Variants in OPCML observed in about 807,000 individuals in gnomAD.
The protein encoded by OPCML is opioid-binding protein/cell adhesion molecule.
In OPCML, 13 loss-of-function variants were observed where a neutral mutation model predicts 37.8. The observed-to-expected ratio is 0.34, with a 90% CI of 0.22 to 0.55. The LOEUF is 0.55. Among genes scored for constraint, OPCML ranks in the 20% least tolerant of loss-of-function variants. OPCML has a pLI of 0.91. For synonymous variants in OPCML, 176 were observed against 168.8 expected, an observed-to-expected ratio of 1.04 and a Z score of -0.33; for missense variants, 341 against 435.6, an observed-to-expected ratio of 0.78 and a Z score of 1.93.
At chr11:132,758,698 G>C (rs538139415) in intron 2 of OPCML, among the ~76,000 whole-genome samples, 1 of 152,114 alleles carries the variant, frequency 6.6e-6, no homozygotes, top group Non-Finnish European at 1.5e-5. Flanking sequence ...AGGAGTTTTT[G>C]GGCTTAAACA....
In OPCML at chr11:132,879,431, T is replaced by C. The variant is rs182827563; in HGVS notation, c.146+63495A>G. 3.3e-3 allele frequency among the ~76,000 whole-genome samples: 498 copies of C among 152,286 alleles called. 4 individuals carry two copies. The highest frequency in any genetic ancestry group is 0.011 in the African/African-American group (440 of 41,574). On this transcript the variant is annotated intron_variant, in intron 2 of 7. Coordinates refer to ENST00000524381, the MANE Select transcript of OPCML (RefSeq NM_001012393.5). ...AAAGAGTTATGAAAGTTTCTGTGTG[T>C]TTCAAAAATAAGATGAGGTGTTATT... is the stretch of plus-strand genomic sequence containing the variant.
intron 2 of OPCML, among the ~76,000 whole-genome samples, chr11:132,903,632 TA>T (rs1454429877): frequency 3.3e-5 from 5 of 151,892 alleles, no homozygotes; most frequent in African/African-American, 4.8e-5. Context: ...CTTATCTCTA[TA>T]AAAATAAGTA....
At chr11:133,227,234 A>C (rs1224747511) in intron 1 of OPCML, among the ~76,000 whole-genome samples, 1 of 151,922 alleles carries the variant, frequency 6.6e-6, no homozygotes, top group Non-Finnish European at 1.5e-5. Flanking sequence ...CCCCAGCCGC[A>C]CCCTGCACCG....
intron 3 of OPCML, among the ~76,000 whole-genome samples, chr11:132,656,739 G>C (rs1011000228): frequency 1.3e-5 from 2 of 152,172 alleles, no homozygotes; most frequent in Non-Finnish European, 1.5e-5. Context: ...GCCTATAAGA[G>C]AATTAAAAGG....
chr11:133,204,510 T>A (rs1200041100), intron 1 of OPCML, among the ~76,000 whole-genome samples: 1 of 152,154 alleles, frequency 6.6e-6, no homozygotes, highest in Non-Finnish European at 1.5e-5. Context: ...CAGGTCCCTG[T>A]GGCCTAACTT....
intron 1 of OPCML, among the ~76,000 whole-genome samples, chr11:133,036,588 A>G (rs1463753658): frequency 1.3e-5 from 2 of 152,238 alleles, no homozygotes; most frequent in Admixed American, 6.5e-5. Flanking sequence ...GCCCTGTTGT[A>G]TTATACAATG....
chr11:133,252,899 G>T (rs1015735199), intron 1 of OPCML, among the ~76,000 whole-genome samples: 2 of 152,140 alleles, frequency 1.3e-5, no homozygotes, highest in African/African-American at 4.8e-5. Flanking sequence ...TGTAATCCCA[G>T]CACTTTGGGA....
intron 2 of OPCML, among the ~76,000 whole-genome samples, chr11:132,836,274 T>A (rs186456004): frequency 1.3e-5 from 2 of 152,230 alleles, no homozygotes; most frequent in African/African-American, 4.8e-5. Context: ...CTGAACAGAA[T>A]CTCATCAGTG....
chr11:133,395,792 T>C (rs1174030947), intron 1 of OPCML, among the ~76,000 whole-genome samples: 2 of 152,228 alleles, frequency 1.3e-5, no homozygotes, highest in African/African-American at 2.4e-5. Flanking sequence ...TATAGCTCTG[T>C]AGTACAATTT....
intron 2 of OPCML, among the ~76,000 whole-genome samples, chr11:132,867,494 T>C (rs1438008819): frequency 6.6e-6 from 1 of 152,202 alleles, no homozygotes; most frequent in Non-Finnish European, 1.5e-5. Flanking sequence ...GATATAAAGT[T>C]AAGCCCTCTG....
At chr11:132,757,955 C>T (rs191160988) in intron 2 of OPCML, among the ~76,000 whole-genome samples, 140 of 152,166 alleles carry the variant, frequency 9.2e-4, no homozygotes, top group Non-Finnish European at 1.6e-3. Flanking sequence ...GTCTTTAATT[C>T]GTCTTGAGTT....
chr11:133,222,459 G>A (rs1008228143), intron 1 of OPCML, among the ~76,000 whole-genome samples: 2 of 152,136 alleles, frequency 1.3e-5, no homozygotes, highest in Admixed American at 6.5e-5. Flanking sequence ...TCCTGTGGCC[G>A]CTCCTCACTG....
chr11:133,289,958 C>T (rs1018480786), intron 1 of OPCML, among the ~76,000 whole-genome samples: 4 of 152,142 alleles, frequency 2.6e-5, no homozygotes, highest in Non-Finnish European at 5.9e-5. Flanking sequence ...ACTGTGGAGG[C>T]AACTGAGGAA....
chr11:132,581,061 G>C (rs1315948877), intron 3 of OPCML, among the ~76,000 whole-genome samples: 1 of 152,104 alleles, frequency 6.6e-6, no homozygotes, highest in Non-Finnish European at 1.5e-5. Context: ...AGCATTTTCA[G>C]TCTTTAAAAG....
At chr11:133,381,923 C>G (rs1291853623) in intron 1 of OPCML, among the ~76,000 whole-genome samples, 1 of 152,206 alleles carries the variant, frequency 6.6e-6, no homozygotes, top group Non-Finnish European at 1.5e-5. Flanking sequence ...CTGCTCCTGT[C>G]CCTCTGAGGC....
At chr11:133,126,767 C>T (rs115390319) in intron 1 of OPCML, among the ~76,000 whole-genome samples, 120 of 152,268 alleles carry the variant, frequency 7.9e-4, no homozygotes, top group African/African-American at 2.7e-3. Context: ...TACCCAGCTA[C>T]ACAAAGATAC....
At chr11:133,240,212 CAAAA>C (rs35643678) in intron 1 of OPCML, among the ~76,000 whole-genome samples, 4 of 66,042 alleles carry the variant, frequency 6.1e-5, no homozygotes, top group African/African-American at 5.8e-5. Context: ...ACACTTGGGG[CAAAA>C]AAAAAAAAAA....
At chr11:132,421,711 C>T (rs138721654) in intron 7 of OPCML, among the ~76,000 whole-genome samples, 1 of 152,148 alleles carries the variant, frequency 6.6e-6, no homozygotes, top group East Asian at 1.9e-4. Flanking sequence ...AGAGAATATT[C>T]ACAAAAAAGG....
chr11:133,420,987 G>C (rs992449785), intron 1 of OPCML: 1 of 985,324 alleles, frequency 1.0e-6, no homozygotes, highest in Non-Finnish European at 1.2e-6. Context: ...GGGAAAAAAA[G>C]CTGCAGGAGC....
Sources: gnomAD v4.1 joint callset for allele counts (sites outside exome capture counted in the v4.1 genomes callset) on GRCh38, gnomAD v4.1.1 for gene constraint, MANE v1.5 for transcripts, NCBI Gene and HGNC (gene_info 2026-07-23, HGNC 2026-07-21) for gene names.